Variants in HCRTR2 observed in about 807,000 individuals in gnomAD.
HCRTR2 encodes orexin receptor type 2.
In HCRTR2, 22 loss-of-function variants were observed where a neutral mutation model predicts 49.0. The ratio of observed to expected loss-of-function variants is 0.45; its 90% CI spans 0.32 to 0.64. The LOEUF (loss-of-function observed/expected upper bound fraction) is 0.64. Ranked by LOEUF, HCRTR2 falls within the 30% of genes least tolerant of loss-of-function variation. HCRTR2 has a pLI of 0.04. For missense variants in HCRTR2, 491 were observed against 559.4 expected (o/e 0.88, Z 1.23); for synonymous variants, 236 against 205.3 (o/e 1.15, Z -1.28).
At chr6:55,184,367 C>G (rs1765182509) in intron 1 of HCRTR2, among the ~76,000 whole-genome samples, 1 of 152,096 alleles carries the variant, frequency 6.6e-6, no homozygotes, top group Non-Finnish European at 1.5e-5. Flanking sequence ...TAGTTACTGA[C>G]TGAGGTTTCA....
At chr6:55,208,124 A>C (rs1765633774) in intron 1 of HCRTR2, among the ~76,000 whole-genome samples, 1 of 152,064 alleles carries the variant, frequency 6.6e-6, no homozygotes, top group Non-Finnish European at 1.5e-5. Context: ...AAACAAGAGC[A>C]ATTTCTTTAC....
At chr6:55,117,023 C>G (rs1458346149) in intron 1 of HCRTR2, among the ~76,000 whole-genome samples, 1 of 151,724 alleles carries the variant, frequency 6.6e-6, no homozygotes. Context: ...AATGAAAAAC[C>G]TACATGTACA....
intron 1 of HCRTR2, among the ~76,000 whole-genome samples, chr6:55,146,162 T>C (rs1485757378): frequency 6.6e-6 from 1 of 152,172 alleles, no homozygotes; most frequent in Admixed American, 6.5e-5. Flanking sequence ...GCTACTAAGC[T>C]AATAAATGAT....
intron 1 of HCRTR2, among the ~76,000 whole-genome samples, chr6:55,180,418 G>A (rs1747745051): frequency 6.6e-6 from 1 of 152,208 alleles, no homozygotes; most frequent in Admixed American, 6.5e-5. Context: ...GAGTTGTTTG[G>A]GCATGTTGCC....
intron 1 of HCRTR2, among the ~76,000 whole-genome samples, chr6:55,176,932 T>C (rs1765050137): frequency 6.6e-6 from 1 of 152,204 alleles, no homozygotes; most frequent in African/African-American, 2.4e-5. Flanking sequence ...AGTAACTATT[T>C]GCCTTCCTTA....
chr6:55,128,139 T>C (rs888057131), intron 1 of HCRTR2, among the ~76,000 whole-genome samples: 2 of 152,220 alleles, frequency 1.3e-5, no homozygotes, highest in Non-Finnish European at 2.9e-5. Context: ...TTTCTTCATA[T>C]GGCTGGCTAG....
intron 1 of HCRTR2, among the ~76,000 whole-genome samples, chr6:55,185,372 C>A (rs1189078715): frequency 6.6e-6 from 1 of 152,096 alleles, no homozygotes; most frequent in African/African-American, 2.4e-5. Context: ...AGTAAGATTA[C>A]CCTAGTTTAT....
intron 1 of HCRTR2, among the ~76,000 whole-genome samples, chr6:55,128,558 G>A (rs1191897973): frequency 6.6e-6 from 1 of 152,124 alleles, no homozygotes; most frequent in Non-Finnish European, 1.5e-5. Context: ...CCATGCTCAT[G>A]GGAATATTTT....
chr6:55,147,262 C>T (rs1764607820), intron 1 of HCRTR2, among the ~76,000 whole-genome samples: 2 of 151,884 alleles, frequency 1.3e-5, no homozygotes, highest in South Asian at 4.1e-4. Context: ...TACATTAATT[C>T]ATATTTTACC....
intron 2 of HCRTR2, 60 bp downstream of exon 2, chr6:55,248,877 C>A: frequency 7.2e-7 from 1 of 1,385,250 alleles, no homozygotes; most frequent in Non-Finnish European, 1.0e-6. Context: ...ATAGCGATGG[C>A]CCTTATGGTA....
At chr6:55,206,796 C>T (rs904754585) in intron 1 of HCRTR2, among the ~76,000 whole-genome samples, 1 of 151,934 alleles carries the variant, frequency 6.6e-6, no homozygotes, top group Non-Finnish European at 1.5e-5. Context: ...TGACATGATC[C>T]TCTTGAAAAG....
intron 4 of HCRTR2, among the ~76,000 whole-genome samples, chr6:55,274,404 T>C (rs1767039856): frequency 6.7e-6 from 1 of 150,324 alleles, no homozygotes; most frequent in South Asian, 2.1e-4. Flanking sequence ...AAATTTAATT[T>C]TCCATTTATT....
intron 4 of HCRTR2, among the ~76,000 whole-genome samples, chr6:55,271,171 G>A (rs1387949772): frequency 1.3e-5 from 2 of 152,028 alleles, no homozygotes; most frequent in East Asian, 1.9e-4. Flanking sequence ...TAACTAAGAC[G>A]GTGTGGTACT....
At chr6:55,265,679 A>G (rs528211278) in intron 4 of HCRTR2, among the ~76,000 whole-genome samples, 1 of 152,208 alleles carries the variant, frequency 6.6e-6, no homozygotes, top group East Asian at 1.9e-4. Flanking sequence ...GGAGCTTCCT[A>G]CAAGCTGGGG....
chr6:55,175,931 G>A (rs75302693), intron 1 of HCRTR2, among the ~76,000 whole-genome samples: 1 of 152,322 alleles, frequency 6.6e-6, no homozygotes, highest in African/African-American at 2.4e-5. Flanking sequence ...AATGACAGGA[G>A]ATGGAGGAGG....
chr6:55,113,681 T>A (rs889106510), intron 1 of HCRTR2, among the ~76,000 whole-genome samples: 2 of 151,792 alleles, frequency 1.3e-5, no homozygotes, highest in Non-Finnish European at 2.9e-5. Context: ...AAGGGAACAT[T>A]TTTACACTGC....
At chr6:55,222,069 T>A (rs1273274189) in intron 1 of HCRTR2, among the ~76,000 whole-genome samples, 1 of 152,070 alleles carries the variant, frequency 6.6e-6, no homozygotes, top group Non-Finnish European at 1.5e-5. Context: ...TATCTGATAA[T>A]GGGTTAGTAT....
intron 4 of HCRTR2, among the ~76,000 whole-genome samples, chr6:55,275,608 A>T (rs1043225103): frequency 2.0e-4 from 27 of 133,086 alleles, no homozygotes; most frequent in East Asian, 1.7e-3. Flanking sequence ...TGAAAACTGT[A>T]TTTTTTTTTT....
intron 1 of HCRTR2, among the ~76,000 whole-genome samples, chr6:55,210,657 C>T (rs1163217527): frequency 6.6e-6 from 1 of 152,046 alleles, no homozygotes; most frequent in Non-Finnish European, 1.5e-5. Context: ...TGATAGTTTT[C>T]CATTTCCTGA....
Sources: gnomAD v4.1 joint callset for allele counts (sites outside exome capture counted in the v4.1 genomes callset) on GRCh38, gnomAD v4.1.1 for gene constraint, MANE v1.5 for transcripts, NCBI Gene and HGNC (gene_info 2026-07-23, HGNC 2026-07-21) for gene names.